FOXN4: variants seen among roughly 807,000 people sequenced by gnomAD.
FOXN4 encodes the protein forkhead box protein N4.
FOXN4 carries 12 observed loss-of-function variants against 45.0 expected under a neutral mutation model. The observed-to-expected ratio is 0.27, with a 90% confidence interval of 0.17 to 0.43. FOXN4 has a LOEUF of 0.43. Among genes scored for constraint, FOXN4 ranks in the 20% least tolerant of loss-of-function variants. The probability of loss-of-function intolerance (pLI) is 1.00; values close to 1 mark genes in which losing one functional copy is unlikely to be tolerated. For missense variants in FOXN4, 560 were observed against 694.9 expected (o/e 0.81, Z 2.18); for synonymous variants, 297 against 295.0 (o/e 1.01, Z -0.07).
intron 2 of FOXN4, among the ~76,000 whole-genome samples, chr12:109,306,454 A>G (rs934579924): frequency 1.3e-5 from 2 of 152,186 alleles, no homozygotes; most frequent in African/African-American, 4.8e-5. Context: ...AGTAAGATTC[A>G]ATGTCTTTGA....
In FOXN4 at chr12:109,279,710, G is replaced by C; in HGVS notation, c.1515C>G (p.Tyr505Ter). 6.4e-7 allele frequency: 1 copy of C among 1,574,536 alleles called. No individual in the cohort carries two copies. The highest frequency in any genetic ancestry group is 8.6e-7 in the Non-Finnish European group (1 of 1,160,724). Reference sequence around the variant, plus strand: ...TAGGCTTGTTCCCCTGTGCACCCAGGTACTGGGAGGAGGAGCTGGTGCCCG... The same window carrying C: ...TAGGCTTGTTCCCCTGTGCACCCAGCTACTGGGAGGAGGAGCTGGTGCCCG... ...AASGTSSSSQ[Y>*]LGAQGNKPIA... Residue 505 changes from tyrosine to a stop codon, truncating the protein, a stop_gained, in exon 10 of 10, where the codon TAC (tyrosine) becomes TAG (stop). Coordinates refer to ENST00000299162, the MANE Select transcript of FOXN4 (RefSeq NM_213596.3). LOFTEE classifies it high-confidence loss of function.
chr12:109,308,912 G>A (rs1281444285), intron 1 of FOXN4, among the ~76,000 whole-genome samples: 1 of 152,132 alleles, frequency 6.6e-6, no homozygotes, highest in East Asian at 1.9e-4. Flanking sequence ...AGTTCCCTAA[G>A]TTTCTCAAAC....
In FOXN4 at chr12:109,288,753, C is replaced by T. The variant is rs2047739465; in HGVS notation, c.233-573G>A. On this transcript the variant is annotated intron_variant, in intron 3 of 9. Coordinates refer to ENST00000299162, the MANE Select transcript of FOXN4 (RefSeq NM_213596.3). This position sits in a 1 kb window ranked among gnomAD's most constrained non-coding sequence, Gnocchi z 4.3. ...AGACATTGCTAATCTATCACAGATTCTTACTGCTCTAGCCTGATTTTAGGC... is the reference window on the plus strand; with the variant it reads ...AGACATTGCTAATCTATCACAGATTTTTACTGCTCTAGCCTGATTTTAGGC... Among the ~76,000 whole-genome samples the T allele has an allele frequency of 6.6e-6, 1 of 152,224 alleles. No individual in the cohort carries two copies. The highest frequency in any genetic ancestry group is 2.1e-4 in the South Asian group (1 of 4,828).
intron 2 of FOXN4, among the ~76,000 whole-genome samples, chr12:109,298,740 C>G (rs541290715): frequency 6.6e-6 from 1 of 152,208 alleles, no homozygotes; most frequent in Admixed American, 6.5e-5. Flanking sequence ...GGAGCATTTC[C>G]AAAGTTCCAT....
Position 109,278,365 on chromosome 12 carries a change from T to G in FOXN4, c.*1306A>C, listed in dbSNP as rs1365639909. The stretch of plus-strand genomic sequence containing the variant: ...GTGCGTGAGGCTGCAGCTTCTCCAA[T>G]TTTGTCTCAGCTTTGCTGGGAGAGC... On this transcript the variant is annotated 3_prime_UTR_variant, in exon 10 of 10. Coordinates refer to ENST00000299162, the MANE Select transcript of FOXN4 (RefSeq NM_213596.3). 1 of 152,200 alleles carries G rather than the reference T, an allele frequency of 6.6e-6. No homozygotes were observed. The highest frequency in any genetic ancestry group is 2.4e-5 in the African/African-American group (1 of 41,454). The allele number at this position is 152,200 out of a possible 1,614,324, so 9.4% of individuals were successfully genotyped here.
chr12:109,278,387 G>C lies in FOXN4; in HGVS notation c.*1284C>G, dbSNP rs2047624014. The C allele has an allele frequency of 6.6e-6, 1 of 152,212 alleles. No individual in the cohort carries two copies. Among genetic ancestry groups the C allele is most frequent in the Admixed American group, 6.5e-5 (1 of 15,286 alleles). 9.4% of individuals were successfully genotyped at this position (152,212 alleles called of 1,614,324 possible). A position where few individuals can be genotyped will look rare whatever the true frequency, so the allele number is the denominator to read the frequency against. Reference sequence around the variant, plus strand: ...CAATTTTGTCTCAGCTTTGCTGGGAGAGCATTTTTCACATTTGACTAGCTC... The same window carrying C: ...CAATTTTGTCTCAGCTTTGCTGGGACAGCATTTTTCACATTTGACTAGCTC... On this transcript the variant is annotated 3_prime_UTR_variant, in exon 10 of 10. Coordinates refer to ENST00000299162, the MANE Select transcript of FOXN4 (RefSeq NM_213596.3).
At chr12:109,308,795 C>T (rs1239998181) in intron 1 of FOXN4, among the ~76,000 whole-genome samples, 1 of 152,202 alleles carries the variant, frequency 6.6e-6, no homozygotes. Flanking sequence ...AGCTCCTGCC[C>T]TGAAATGCCT....
chr12:109,285,271 G>T, intron 8 of FOXN4, 33 bp downstream of exon 8: 3 of 1,542,330 alleles, frequency 1.9e-6, no homozygotes, highest in Non-Finnish European at 2.6e-6. Context: ...GTGTGTGTGT[G>T]TGTGCGCGCA....
Position 109,287,631 on chromosome 12 carries a change from TTG to T in FOXN4, c.469-109_469-108del, listed in dbSNP as rs2047726640. On this transcript the variant is annotated intron_variant, in intron 5 of 9. Coordinates refer to ENST00000299162, the MANE Select transcript of FOXN4 (RefSeq NM_213596.3). The surrounding 1 kb of genome is among the most constrained non-coding windows in gnomAD (Gnocchi z 4.1). Reference sequence around the variant, plus strand: ...GTCCCCACCCCAGTTTCAAAACACCTTGTGTGGGGATTCACAACCGTCCAGGA... The same window carrying T: ...GTCCCCACCCCAGTTTCAAAACACCTTGTGGGGATTCACAACCGTCCAGGA... The T allele has an allele frequency of 7.2e-7, 1 of 1,381,296 alleles. No individual in the cohort carries two copies. The highest frequency in any genetic ancestry group is 1.5e-5 in the African/African-American group (1 of 68,244). The allele number at this position is 1,381,296 out of a possible 1,614,324, so 85.6% of individuals were successfully genotyped here.
intron 2 of FOXN4, among the ~76,000 whole-genome samples, chr12:109,299,359 T>C (rs2047847566): frequency 6.6e-6 from 1 of 151,266 alleles, no homozygotes; most frequent in Non-Finnish European, 1.5e-5. Context: ...CACACATGTG[T>C]GCACACACAC....
At chr12:109,292,317 G>A (rs890891656) in intron 2 of FOXN4, among the ~76,000 whole-genome samples, 14 of 152,122 alleles carry the variant, frequency 9.2e-5, no homozygotes, top group African/African-American at 1.4e-4. Flanking sequence ...CTGAGTAGTC[G>A]GGGGGAGGGG....
rs777147614 is a variant in FOXN4, at chr12:109,290,180, C to T, written c.193G>A (p.Val65Met). 15 of 1,551,300 alleles carry T rather than the reference C, an allele frequency of 9.7e-6. No individual in the cohort carries two copies. Among genetic ancestry groups the T allele is most frequent in the Admixed American group, 5.9e-5 (3 of 50,958 alleles). Residue 65 changes from valine (V) to methionine (M), a missense_variant, in exon 3 of 10, where the codon GTG becomes ATG. This residue lies in a region of FOXN4 where 142 missense variants were observed against 185.7 expected (regional missense o/e 0.76). Coordinates refer to ENST00000299162, the MANE Select transcript of FOXN4 (RefSeq NM_213596.3). The surrounding 1 kb of genome is among the most constrained non-coding windows in gnomAD (Gnocchi z 5.1). The part of the protein sequence containing the change: ...PRLQQMASGR[V>M]DLGGPCVPHP... ...GGCACGCAGGGGCCACCCAGGTCCA[C>T]GCGGCCACTTGCCATCTGCTGCAGC...
At position 109,287,781 on chromosome 12, in the gene FOXN4, C is replaced by T; in HGVS notation, c.468+63G>A. On this transcript the variant is annotated intron_variant, in intron 5 of 9. Transcript: ENST00000299162. The surrounding 1 kb of genome is among the most constrained non-coding windows in gnomAD (Gnocchi z 4.1). ...TGAGTAAACTGAGGCTCAGAGGGGT[C>T]CCCGGCCAGCCCAAGGCAGGGTGTC... 6.9e-7 allele frequency: 1 copy of T among 1,440,866 alleles called. No individual in the cohort carries two copies. Among genetic ancestry groups the T allele is most frequent in the Non-Finnish European group, 9.2e-7 (1 of 1,083,664 alleles). 89.3% of individuals were successfully genotyped at this position (1,440,866 alleles called of 1,614,324 possible).
chr12:109,292,596 G>T (rs932776225), intron 2 of FOXN4, among the ~76,000 whole-genome samples: 5 of 152,118 alleles, frequency 3.3e-5, no homozygotes, highest in Non-Finnish European at 7.4e-5. Context: ...AGTGGCTCAC[G>T]GTCAATGTAA....
chr12:109,288,491 T>C lies in FOXN4; in HGVS notation c.233-311A>G, dbSNP rs1284515857. Among the ~76,000 whole-genome samples the C allele has an allele frequency of 6.6e-6, 1 of 152,234 alleles. No homozygotes were observed. The highest frequency in any genetic ancestry group is 1.5e-5 in the Non-Finnish European group (1 of 68,036). On this transcript the variant is annotated intron_variant, in intron 3 of 9. Transcript: ENST00000299162. The surrounding 1 kb of genome is among the most constrained non-coding windows in gnomAD (Gnocchi z 4.3). ...GCTTAGCACACTGCTGGGCACATGA[T>C]AATATCTCAATAAACATGAGTCAAT...
intron 7 of FOXN4, among the ~76,000 whole-genome samples, chr12:109,285,889 A>AG (rs2047705646): frequency 6.8e-6 from 1 of 146,490 alleles, no homozygotes. Flanking sequence ...TTTTTGTGAC[A>AG]GGGTCTTGTT....
rs2047756463 is a variant in FOXN4 at position 109,290,390 on chromosome 12, C to T, written c.87-104G>A. 7.3e-7 allele frequency: 1 copy of T among 1,365,308 alleles called. No individual in the cohort carries two copies. Among genetic ancestry groups the T allele is most frequent in the Admixed American group, 2.9e-5 (1 of 34,194 alleles). 84.6% of individuals were successfully genotyped at this position (1,365,308 alleles called of 1,614,324 possible). On this transcript the variant is annotated intron_variant, in intron 2 of 9. Transcript: ENST00000299162. This position sits in a 1 kb window ranked among gnomAD's most constrained non-coding sequence, Gnocchi z 5.1. ...CACCCGCTTAATGTGCCTCATCTCCCCAAGCCACGCCAGCCCTCCAACCTG... is the reference window on the plus strand; with the variant it reads ...CACCCGCTTAATGTGCCTCATCTCCTCAAGCCACGCCAGCCCTCCAACCTG...
chr12:109,278,464 G>GA lies in FOXN4; in HGVS notation c.*1206dup, dbSNP rs376821741. The GA allele has an allele frequency of 7.2e-5, 11 of 152,338 alleles. No individual in the cohort carries two copies. Among genetic ancestry groups the GA allele is most frequent in the African/African-American group, 2.6e-4 (11 of 41,578 alleles). 9.4% of individuals were successfully genotyped at this position (152,338 alleles called of 1,614,324 possible). A position where few individuals can be genotyped will look rare whatever the true frequency, so the allele number is the denominator to read the frequency against. On this transcript the variant is annotated 3_prime_UTR_variant, in exon 10 of 10. Transcript: ENST00000299162. ...CTATCTGCGGAACTTGCCACTTGGG[G>GA]AGTCAGTAATTAGCAAGGAGAGAAA... is the stretch of plus-strand genomic sequence containing the variant.
chr12:109,285,867 CT>C (rs10685255), intron 7 of FOXN4, among the ~76,000 whole-genome samples: 25,426 of 140,674 alleles, frequency 0.18, 2,155 homozygotes, highest in Middle Eastern at 0.22. Flanking sequence ...TGCAAATTTA[CT>C]TTTTTTTTTT....
Sources: gnomAD v4.1 joint callset for allele counts (sites outside exome capture counted in the v4.1 genomes callset) on GRCh38, gnomAD v4.1.1 for gene constraint, gnomAD v4.1.1 regional missense constraint, Gnocchi (gnomAD v3.1) non-coding constraint, MANE v1.5 for transcripts, NCBI Gene and HGNC (gene_info 2026-07-23, HGNC 2026-07-21) for gene names.